REDIC1: variants seen among roughly 807,000 people sequenced by gnomAD.
The protein encoded by REDIC1 is regulator of DNA class I crossover intermediates 1.
At chr12:39,661,597 A>G in the REDIC1 span, among the ~76,000 whole-genome samples, 1 of 151,912 alleles carries the variant, frequency 6.6e-6, no homozygotes, top group African/African-American at 2.4e-5. Flanking sequence ...CTTTCATTCA[A>G]CAGGTTGTCT....
At chr12:39,712,194 A>ATGTATATATACCTGTATGTATATGTACG in the REDIC1 span, among the ~76,000 whole-genome samples, 17 of 12,838 alleles carry the variant, frequency 1.3e-3, no homozygotes, top group African/African-American at 2.8e-3. Context: ...GTATATGTAC[A>ATGTATATATACCTGTATGTATATGTACG]TACATATATA....
chr12:39,672,385 G>A, the REDIC1 span, among the ~76,000 whole-genome samples: 3 of 152,116 alleles, frequency 2.0e-5, no homozygotes, highest in African/African-American at 7.2e-5. Flanking sequence ...GTCCTCAGGG[G>A]CATGCAAGTG....
At chr12:39,717,701 A>G in the REDIC1 span, among the ~76,000 whole-genome samples, 9 of 152,086 alleles carry the variant, frequency 5.9e-5, no homozygotes, top group Non-Finnish European at 1.3e-4. Context: ...TTCTTCTTCT[A>G]CTGTTTACTT....
chr12:39,682,959 C>G, the REDIC1 span: 1 of 1,613,348 alleles, frequency 6.2e-7, no homozygotes, highest in Non-Finnish European at 8.5e-7. Flanking sequence ...CTGACAGATG[C>G]ATTAGAAACA....
chr12:39,684,190 A>G, the REDIC1 span: 1 of 1,035,994 alleles, frequency 9.7e-7, no homozygotes, highest in Non-Finnish European at 1.2e-6. Context: ...TGTTAAATTT[A>G]TTCCTTAAAA....
At chr12:39,847,250 A>G in the REDIC1 span, among the ~76,000 whole-genome samples, 1 of 151,876 alleles carries the variant, frequency 6.6e-6, no homozygotes, top group Non-Finnish European at 1.5e-5. Context: ...CCCTAGCTGT[A>G]CTGTTGTAGC....
the REDIC1 span, among the ~76,000 whole-genome samples, chr12:39,793,907 T>C: frequency 6.6e-6 from 1 of 152,046 alleles, no homozygotes; most frequent in Non-Finnish European, 1.5e-5. Flanking sequence ...TTCTAATGAC[T>C]TTTATCTCAG....
chr12:39,846,277 A>G, the REDIC1 span, among the ~76,000 whole-genome samples: 1 of 152,034 alleles, frequency 6.6e-6, no homozygotes, highest in South Asian at 2.1e-4. Context: ...ATTACTGTCC[A>G]CTCCCAAAGG....
chr12:39,653,542 C>CTTCTTT, the REDIC1 span, among the ~76,000 whole-genome samples: 113 of 37,248 alleles, frequency 3.0e-3, 3 homozygotes, highest in Middle Eastern at 0.012. Context: ...TCTTCTTTTT[C>CTTCTTT]TTCTTCTTCT....
chr12:39,896,529 CATGTATGT>C, the REDIC1 span, among the ~76,000 whole-genome samples: 2 of 140,258 alleles, frequency 1.4e-5, no homozygotes, highest in African/African-American at 5.5e-5. Context: ...TACATGTATA[CATGTATGT>C]ATGTATGTGT....
the REDIC1 span, among the ~76,000 whole-genome samples, chr12:39,814,195 A>C: frequency 6.6e-6 from 1 of 152,188 alleles, no homozygotes; most frequent in East Asian, 1.9e-4. Context: ...TCTGATGTAG[A>C]TTGTACTGCT....
At chr12:39,702,890 A>G in the REDIC1 span, among the ~76,000 whole-genome samples, 32 of 152,232 alleles carry the variant, frequency 2.1e-4, no homozygotes, top group African/African-American at 7.2e-4. Flanking sequence ...AACAACCTTC[A>G]TGCTAAAAAC....
At chr12:39,899,106 G>A in the REDIC1 span, among the ~76,000 whole-genome samples, 1 of 152,044 alleles carries the variant, frequency 6.6e-6, no homozygotes, top group Non-Finnish European at 1.5e-5. Flanking sequence ...GAATCCATCT[G>A]GTCCTGGACT....
chr12:39,703,465 C>T, the REDIC1 span, among the ~76,000 whole-genome samples: 3 of 150,556 alleles, frequency 2.0e-5, no homozygotes, highest in African/African-American at 4.9e-5. Context: ...ACATTCCATG[C>T]TCATGGGTAG....
chr12:39,738,830 C>A, the REDIC1 span, among the ~76,000 whole-genome samples: 1 of 150,942 alleles, frequency 6.6e-6, no homozygotes, highest in Non-Finnish European at 1.5e-5. Flanking sequence ...GTGGGAGCAT[C>A]CAAAATTTGT....
the REDIC1 span, among the ~76,000 whole-genome samples, chr12:39,884,341 A>G: frequency 6.6e-6 from 1 of 152,240 alleles, no homozygotes; most frequent in Admixed American, 6.5e-5. Flanking sequence ...ACATGTCTTC[A>G]GAAAATAAAA....
the REDIC1 span, among the ~76,000 whole-genome samples, chr12:39,667,162 G>T: frequency 6.6e-6 from 1 of 152,112 alleles, no homozygotes; most frequent in Non-Finnish European, 1.5e-5. Context: ...TGGTGTTAGG[G>T]TGTCAATTTT....
the REDIC1 span, among the ~76,000 whole-genome samples, chr12:39,779,226 T>C: frequency 6.6e-6 from 1 of 152,176 alleles, no homozygotes; most frequent in Non-Finnish European, 1.5e-5. Context: ...CTGGACCTCA[T>C]TTGAGTTATC....
the REDIC1 span, among the ~76,000 whole-genome samples, chr12:39,790,365 C>G: frequency 5.5e-5 from 6 of 108,434 alleles, no homozygotes; most frequent in African/African-American, 1.7e-4. Flanking sequence ...TGCTATCCCT[C>G]CCCCCTCCCC....
Sources: allele counts gnomAD v4.1 joint callset (sites outside exome capture counted in the v4.1 genomes callset), GRCh38; gene constraint gnomAD v4.1.1; transcripts MANE v1.5; gene names NCBI Gene and HGNC (gene_info 2026-07-23, HGNC 2026-07-21).